RASA1: variants seen among roughly 807,000 people sequenced by gnomAD.
The protein encoded by RASA1 is RAS p21 protein activator 1, also known as ras GTPase-activating protein 1.
In RASA1, 25 loss-of-function variants were observed where a neutral mutation model predicts 132.2. The ratio of observed to expected loss-of-function variants is 0.19; its 90% CI spans 0.14 to 0.26. The LOEUF is 0.26. Among genes scored for constraint, RASA1 ranks in the 10% least tolerant of loss-of-function variants. The pLI, the probability that RASA1 is intolerant of heterozygous loss-of-function variation, is 1.00. For missense variants in RASA1, 964 were observed against 1,299.2 expected, an observed-to-expected ratio of 0.74 and a Z score of 3.97; for synonymous variants, 477 against 449.9, an observed-to-expected ratio of 1.06 and a Z score of -0.76.
rs956147775 is a variant in RASA1 at position 87,268,952 on chromosome 5, A to G, written c.501A>G (p.Glu167=). The change falls in exon 1 of 25, where the codon GAA becomes GAG. Residue 167 remains glutamate (E), a synonymous_variant. Coordinates refer to ENST00000274376, the MANE Select transcript of RASA1 (RefSeq NM_002890.3). ...DSLDGPEYEE[E]EVAIPLTAPP... ...TGGATGGACCAGAATACGAGGAGGA[A>G]GAGGTGGCCATACCGTTGACCGCTC... 6.2e-7 allele frequency: 1 copy of G among 1,614,108 alleles called. No individual in the cohort carries two copies. Among genetic ancestry groups the G allele is most frequent in the African/African-American group, 1.3e-5 (1 of 74,928 alleles).
At chr5:87,286,952 T>C (rs1754601886) in intron 1 of RASA1, among the ~76,000 whole-genome samples, 1 of 147,680 alleles carries the variant, frequency 6.8e-6, no homozygotes, top group African/African-American at 2.5e-5. Context: ...ACCATATATA[T>C]ACATACCATA....
chr5:87,333,185 T>A lies in RASA1; in HGVS notation c.829-82T>A, dbSNP rs185343334. The A allele has an allele frequency of 6.0e-4, 929 of 1,545,844 alleles. 4 individuals carry two copies. The African/African-American group carries it at 1.0e-2, about 17-fold the overall frequency. On this transcript the variant is annotated intron_variant, in intron 3 of 24. Coordinates refer to ENST00000274376, the MANE Select transcript of RASA1 (RefSeq NM_002890.3). ...ATGGAGTTTCTAATGTGAATTTTTA[T>A]TGGCTTTATGTGGATATACCTCTTT...
At chr5:87,281,930 T>G (rs1187899737) in intron 1 of RASA1, among the ~76,000 whole-genome samples, 1 of 152,192 alleles carries the variant, frequency 6.6e-6, no homozygotes, top group African/African-American at 2.4e-5. Flanking sequence ...GAGTTCTTTA[T>G]ATGTTCTTGA....
chr5:87,273,602 A>C (rs1238745855), intron 1 of RASA1, among the ~76,000 whole-genome samples: 1 of 152,024 alleles, frequency 6.6e-6, no homozygotes, highest in Non-Finnish European at 1.5e-5. Flanking sequence ...ATTGGTGAGA[A>C]TCCAACCCAC....
At chr5:87,370,559 G>A (rs369614297) in intron 12 of RASA1, among the ~76,000 whole-genome samples, 1 of 152,336 alleles carries the variant, frequency 6.6e-6, no homozygotes, top group East Asian at 1.9e-4. Context: ...CCACTGGGTA[G>A]AATGAGGCAG....
At chr5:87,288,091 CAT>C (rs758181365) in intron 1 of RASA1, among the ~76,000 whole-genome samples, 68 of 66,608 alleles carry the variant, frequency 1.0e-3, no homozygotes, top group South Asian at 1.5e-3. Flanking sequence ...ATACACACAC[CAT>C]ATATATATAC....
Position 87,354,254 on chromosome 5 carries a change from T to G in RASA1, c.1332+1019T>G, listed in dbSNP as rs534853639. Among the ~76,000 whole-genome samples the G allele has an allele frequency of 1.1e-4, 17 of 152,252 alleles. No individual in the cohort carries two copies. The South Asian group carries it at 3.5e-3, about 32-fold the overall frequency. On this transcript the variant is annotated intron_variant, in intron 9 of 24. Coordinates refer to ENST00000274376, the MANE Select transcript of RASA1 (RefSeq NM_002890.3). ...TTCATTTTATTGTGCATTGCCTTAT[T>G]ATGTTTCAAAGATAGTTTTTTTTAC...
rs111322540 is a variant in RASA1 at position 87,367,482 on chromosome 5, G to A, written c.1611-2331G>A. 7.9e-5 allele frequency among the ~76,000 whole-genome samples: 12 copies of A among 152,294 alleles called. 3 individuals carry two copies. Among genetic ancestry groups the A allele is most frequent in the African/African-American group, 2.9e-4 (12 of 41,556 alleles). ...GCGCATGCTCAGCCTGATGCTGAAC[G>A]AATGTTGGATGGCAATGCTGTTTTC... On this transcript the variant is annotated intron_variant, in intron 11 of 24. Transcript: ENST00000274376.
intron 1 of RASA1, among the ~76,000 whole-genome samples, chr5:87,308,081 A>G (rs1178007351): frequency 6.6e-6 from 1 of 152,090 alleles, no homozygotes; most frequent in Non-Finnish European, 1.5e-5. Flanking sequence ...CCTGTGGTTC[A>G]GTTCTCTGTT....
intron 1 of RASA1, among the ~76,000 whole-genome samples, chr5:87,322,279 C>A (rs1053998779): frequency 1.3e-5 from 2 of 152,154 alleles, no homozygotes; most frequent in Admixed American, 6.5e-5. Context: ...CTGAGCTCCA[C>A]CTTCTGATCA....
At chr5:87,374,368 G>T in intron 14 of RASA1, 48 bp downstream of exon 14, 3 of 1,538,470 alleles carry the variant, frequency 1.9e-6, no homozygotes, top group Non-Finnish European at 2.7e-6. Context: ...TTACCATATT[G>T]CATTTCTTTC....
At chr5:87,336,590 A>C (rs534765257) in intron 4 of RASA1, among the ~76,000 whole-genome samples, 4 of 152,254 alleles carry the variant, frequency 2.6e-5, no homozygotes, top group African/African-American at 9.6e-5. Flanking sequence ...ATTACTACTA[A>C]CAAGCTTATT....
intron 1 of RASA1, among the ~76,000 whole-genome samples, chr5:87,292,575 A>G (rs905387542): frequency 6.6e-6 from 1 of 152,102 alleles, no homozygotes; most frequent in African/African-American, 2.4e-5. Context: ...TAGCATTATA[A>G]TAAGTCTAGT....
chr5:87,363,274 A>G, intron 10 of RASA1, 74 bp from the exon 11 acceptor site: 2 of 1,317,486 alleles, frequency 1.5e-6, no homozygotes, highest in Non-Finnish European at 2.1e-6. Flanking sequence ...ATATTTTTAG[A>G]AACACTAATT....
At chr5:87,354,752 C>A (rs958317268) in intron 9 of RASA1, among the ~76,000 whole-genome samples, 2 of 152,074 alleles carry the variant, frequency 1.3e-5, no homozygotes, top group Non-Finnish European at 1.5e-5. Context: ...GTCTCTTGCA[C>A]CAAACAGCAA....
chr5:87,271,426 T>TAAA (rs371585246), intron 1 of RASA1, among the ~76,000 whole-genome samples: 20 of 144,398 alleles, frequency 1.4e-4, no homozygotes, highest in Non-Finnish European at 2.9e-4. Flanking sequence ...ATATTGTAGT[T>TAAA]AAAAAAAACT....
chr5:87,343,280 A>G (rs1352581775), intron 6 of RASA1, among the ~76,000 whole-genome samples: 1 of 152,170 alleles, frequency 6.6e-6, no homozygotes, highest in Non-Finnish European at 1.5e-5. Flanking sequence ...GCCTTCTCAA[A>G]TCTTAAATAA....
At chr5:87,358,397 A>G (rs998820681) in intron 9 of RASA1, among the ~76,000 whole-genome samples, 1 of 152,222 alleles carries the variant, frequency 6.6e-6, no homozygotes, top group Non-Finnish European at 1.5e-5. Flanking sequence ...TTTCAAAGAT[A>G]AGGCAACTGA....
chr5:87,297,076 T>C (rs1371415283), intron 1 of RASA1, among the ~76,000 whole-genome samples: 1 of 152,224 alleles, frequency 6.6e-6, no homozygotes, highest in Non-Finnish European at 1.5e-5. Flanking sequence ...AAAGACATTC[T>C]TCATTTCTGT....
Sources: allele counts gnomAD v4.1 joint callset (sites outside exome capture counted in the v4.1 genomes callset), GRCh38; gene constraint gnomAD v4.1.1; transcripts MANE v1.5; gene names NCBI Gene and HGNC (gene_info 2026-07-23, HGNC 2026-07-21).